Variants in GRID1 observed in about 807,000 individuals in gnomAD.
GRID1 encodes the protein glutamate receptor ionotropic, delta-1.
Under a neutral mutation model 98.0 loss-of-function variants are expected in GRID1, and 28 were observed. The ratio of observed to expected loss-of-function variants is 0.29; its 90% CI spans 0.21 to 0.39. GRID1 has a LOEUF of 0.39. GRID1 is among the 10% of genes least tolerant of loss of function. GRID1 has a pLI of 1.00. For synonymous variants in GRID1, 553 were observed against 538.5 expected (o/e 1.03, Z -0.37); for missense variants, 1,111 against 1,340.5 (o/e 0.83, Z 2.67).
intron 4 of GRID1, among the ~76,000 whole-genome samples, chr10:86,089,410 A>G (rs962817557): frequency 9.2e-5 from 14 of 152,134 alleles, no homozygotes; most frequent in African/African-American, 3.4e-4. Flanking sequence ...TTTGACAATA[A>G]TGAGACAGCA....
Position 85,722,073 on chromosome 10 carries a change from G to A in GRID1, c.1997+930C>T, listed in dbSNP as rs550731110. ...AAATGTCAATTTAATAAAGATATTA[G>A]ACAATATCATACTGAATCTTGAATC... On this transcript the variant is annotated intron_variant, in intron 12 of 15. Coordinates refer to ENST00000327946, the MANE Select transcript of GRID1 (RefSeq NM_017551.3). 1.7e-4 allele frequency among the ~76,000 whole-genome samples: 26 copies of A among 152,244 alleles called. 1 individual carries two copies. In the South Asian group the frequency reaches 5.4e-3, roughly 32 times the overall value.
intron 4 of GRID1, among the ~76,000 whole-genome samples, chr10:85,994,582 C>T (rs1008936835): frequency 6.6e-6 from 1 of 152,188 alleles, no homozygotes; most frequent in South Asian, 2.1e-4. Flanking sequence ...AATAGAGGTC[C>T]ATTCTGGTTG....
chr10:86,115,032 G>A (rs2131954892), intron 4 of GRID1, among the ~76,000 whole-genome samples: 1 of 152,280 alleles, frequency 6.6e-6, no homozygotes, highest in African/African-American at 2.4e-5. Context: ...TTTGTTGGAG[G>A]GAAAGAGGAA....
At chr10:85,816,644 G>A (rs1035065893) in intron 8 of GRID1, among the ~76,000 whole-genome samples, 2 of 152,214 alleles carry the variant, frequency 1.3e-5, no homozygotes, top group East Asian at 1.9e-4. Context: ...CTATAAAACC[G>A]CACACCACAA....
chr10:86,098,422 G>A (rs112017192), intron 4 of GRID1, among the ~76,000 whole-genome samples: 1,715 of 152,226 alleles, frequency 0.011, 18 homozygotes, highest in Non-Finnish European at 0.018. Flanking sequence ...CTATAACTTG[G>A]ATACTGTCAT....
chr10:85,970,145 A>G (rs1484710602), intron 4 of GRID1, among the ~76,000 whole-genome samples: 1 of 152,070 alleles, frequency 6.6e-6, no homozygotes, highest in East Asian at 1.9e-4. Flanking sequence ...GAATATACCT[A>G]TAACAAGTTA....
chr10:85,966,711 G>A (rs766034397), intron 4 of GRID1, among the ~76,000 whole-genome samples: 35 of 152,120 alleles, frequency 2.3e-4, no homozygotes, highest in Non-Finnish European at 4.4e-4. Flanking sequence ...CTACTCAGGA[G>A]GCTGAGGCAG....
At chr10:86,353,120 T>A (rs146856147) in intron 2 of GRID1, among the ~76,000 whole-genome samples, 1 of 152,148 alleles carries the variant, frequency 6.6e-6, no homozygotes, top group African/African-American at 2.4e-5. Context: ...GAGCTGAGGA[T>A]ACCACAGGGA....
At chr10:85,993,241 G>C (rs1842702982) in intron 4 of GRID1, among the ~76,000 whole-genome samples, 1 of 152,178 alleles carries the variant, frequency 6.6e-6, no homozygotes, top group Admixed American at 6.5e-5. Flanking sequence ...GGAGAGGACA[G>C]TGGGCAGAAT....
intron 2 of GRID1, among the ~76,000 whole-genome samples, chr10:86,232,051 G>T (rs1011166063): frequency 1.3e-5 from 2 of 152,014 alleles, no homozygotes; most frequent in African/African-American, 4.8e-5. Context: ...ACTGCACTTG[G>T]GTATAAGAGA....
At chr10:86,251,648 G>A (rs1397260873) in intron 2 of GRID1, among the ~76,000 whole-genome samples, 1 of 152,092 alleles carries the variant, frequency 6.6e-6, no homozygotes, top group African/African-American at 2.4e-5. Context: ...AAGCTCAGAA[G>A]CTCCTCCTCC....
At chr10:85,684,169 GAATT>G (rs1841241828) in intron 12 of GRID1, among the ~76,000 whole-genome samples, 1 of 152,146 alleles carries the variant, frequency 6.6e-6, no homozygotes, top group Non-Finnish European at 1.5e-5. Context: ...AAGCAAGTCA[GAATT>G]AATTGTGTTA....
chr10:86,352,096 T>C (rs1002181221), intron 2 of GRID1, among the ~76,000 whole-genome samples: 3 of 151,808 alleles, frequency 2.0e-5, no homozygotes, highest in African/African-American at 4.8e-5. Context: ...AGGTCAGGAG[T>C]TAGAGACCAG....
rs35732771 is a variant in GRID1, at chr10:85,731,464, T to TAA, written c.1234-1852_1234-1851dup. ...ACCACACTTTGGGTAATGATACAGT[T>TAA]AAAAAAAAAAAAAGCAAAAATCATG... is the stretch of plus-strand genomic sequence containing the variant. On this transcript the variant is annotated intron_variant, in intron 8 of 15. Transcript: ENST00000327946. Among the ~76,000 whole-genome samples, 707 of 143,046 alleles carry TAA rather than the reference T, an allele frequency of 4.9e-3. 4 individuals are homozygous for TAA. The highest frequency in any genetic ancestry group is 0.015 in the African/African-American group (592 of 38,688). 93.8% of individuals were successfully genotyped at this position (143,046 alleles called of 152,430 possible).
At chr10:85,884,853 A>T (rs967676491) in intron 5 of GRID1, among the ~76,000 whole-genome samples, 2 of 152,206 alleles carry the variant, frequency 1.3e-5, no homozygotes, top group African/African-American at 4.8e-5. Context: ...TTTCAATGGG[A>T]GAAGTATTTG....
At position 85,713,411 on chromosome 10, in the gene GRID1, A is replaced by C. The variant is rs79849372; in HGVS notation, c.1997+9592T>G. 4.3e-3 allele frequency among the ~76,000 whole-genome samples: 648 copies of C among 151,912 alleles called. 4 individuals are homozygous for C. Among genetic ancestry groups the C allele is most frequent in the African/African-American group, 0.015 (618 of 41,540 alleles). On this transcript the variant is annotated intron_variant, in intron 12 of 15. Coordinates refer to ENST00000327946, the MANE Select transcript of GRID1 (RefSeq NM_017551.3). ...GGGTAATAAGATTGAAACAGTAATC[A>C]GAAACCTCCCAAGAAAGAAAAATGC...
intron 15 of GRID1, among the ~76,000 whole-genome samples, chr10:85,612,151 C>T (rs1193607782): frequency 2.6e-5 from 4 of 152,156 alleles, no homozygotes; most frequent in Admixed American, 6.5e-5. Context: ...CTGTAAGGAG[C>T]GAGGGACGCC....
chr10:85,849,386 G>A (rs976573495), intron 8 of GRID1, among the ~76,000 whole-genome samples: 1 of 152,204 alleles, frequency 6.6e-6, no homozygotes, highest in African/African-American at 2.4e-5. Flanking sequence ...CTTTTATGAA[G>A]AATCAAAATT....
intron 3 of GRID1, among the ~76,000 whole-genome samples, chr10:86,162,769 T>C (rs1196083053): frequency 6.6e-6 from 1 of 152,158 alleles, no homozygotes; most frequent in Non-Finnish European, 1.5e-5. Flanking sequence ...TTACTATTCT[T>C]TGGAAGTGGC....
Sources: gnomAD v4.1 joint callset for allele counts (sites outside exome capture counted in the v4.1 genomes callset) on GRCh38, gnomAD v4.1.1 for gene constraint, MANE v1.5 for transcripts, NCBI Gene and HGNC (gene_info 2026-07-23, HGNC 2026-07-21) for gene names.